The following CNR1 variants were observed in gnomAD, a reference collection of about 807,000 sequenced individuals.
The protein encoded by CNR1 is cannabinoid receptor 1, also known as cannabinoid receptor 1 (brain).
In CNR1, 10 loss-of-function variants were observed where a neutral mutation model predicts 23.0. The ratio of observed to expected loss-of-function variants is 0.43; its 90% confidence interval spans 0.27 to 0.74. The LOEUF (loss-of-function observed/expected upper bound fraction) is 0.74, where lower values mean the gene tolerates loss of function less well. CNR1 is among the 30% of genes least tolerant of loss of function. The pLI is 0.19. For missense variants in CNR1, 422 were observed against 618.8 expected, an observed-to-expected ratio of 0.68 and a Z score of 3.37; for synonymous variants, 271 against 255.2, an observed-to-expected ratio of 1.06 and a Z score of -0.59.
At chr6:88,148,964 T>G (rs1032830784) in intron 1 of CNR1, among the ~76,000 whole-genome samples, 3 of 151,798 alleles carry the variant, frequency 2.0e-5, no homozygotes, top group African/African-American at 2.4e-5. Context: ...AAATTGAGGG[T>G]TTTTTTTAGT....
intron 1 of CNR1, among the ~76,000 whole-genome samples, chr6:88,161,957 C>T (rs1219338003): frequency 6.6e-6 from 1 of 152,164 alleles, no homozygotes; most frequent in African/African-American, 2.4e-5. Flanking sequence ...TTGTACAGCC[C>T]TAATTTCCAA....
chr6:88,155,406 T>C (rs1777741915), intron 1 of CNR1, among the ~76,000 whole-genome samples: 1 of 152,234 alleles, frequency 6.6e-6, no homozygotes. Flanking sequence ...AAGTGGGTGC[T>C]ATTACAATCT....
chr6:88,144,585 C>T lies in CNR1; in HGVS notation c.690G>A (p.Arg230=). The change falls in exon 2 of 2, where the codon AGG becomes AGA. Residue 230 remains arginine, a synonymous_variant. Coordinates refer to ENST00000369501, the MANE Select transcript of CNR1 (RefSeq NM_016083.6). This position sits in a 1 kb window ranked among gnomAD's most constrained non-coding sequence, Gnocchi z 7.8. ...GGCAAAACGCCACCACGGCCTTGGG[C>T]CTGGTGACAATCCTCTTATAGGCCA... The part of the protein sequence containing the change: ...RPLAYKRIVT[R]PKAVVAFCLM... The T allele has an allele frequency of 6.2e-7, 1 of 1,614,214 alleles. No homozygotes were observed. The highest frequency in any genetic ancestry group is 8.5e-7 in the Non-Finnish European group (1 of 1,180,052).
Position 88,151,270 on chromosome 6 carries a change from T to C in CNR1, c.-63-5933A>G, listed in dbSNP as rs565893137. ...AGCTCCATGTGGTTAGTAGCTACTA[T>C]ACTGGACAGTGCAGGTCTAGGGCCC... On this transcript the variant is annotated intron_variant, in intron 1 of 1. Coordinates refer to ENST00000369501, the MANE Select transcript of CNR1 (RefSeq NM_016083.6). Among the ~76,000 whole-genome samples the C allele has an allele frequency of 2.8e-4, 42 of 152,350 alleles. No individual in the cohort carries two copies. The South Asian group carries it at 6.2e-3, about 23-fold the overall frequency.
chr6:88,154,305 A>T (rs1777682397), intron 1 of CNR1, among the ~76,000 whole-genome samples: 2 of 152,236 alleles, frequency 1.3e-5, no homozygotes, highest in African/African-American at 4.8e-5. Flanking sequence ...TATGCCAAAG[A>T]TTTCACATTT....
intron 1 of CNR1, among the ~76,000 whole-genome samples, chr6:88,149,100 G>A (rs1180814736): frequency 1.3e-5 from 2 of 152,206 alleles, no homozygotes; most frequent in Non-Finnish European, 1.5e-5. Flanking sequence ...GGCACCCAGT[G>A]TGCTGGTACA....
At chr6:88,165,042 A>T (rs1040198685) in intron 1 of CNR1, among the ~76,000 whole-genome samples, 6 of 152,208 alleles carry the variant, frequency 3.9e-5, no homozygotes, top group Non-Finnish European at 7.3e-5. Flanking sequence ...ACGTTACTAA[A>T]CATTTCTTTT....
intron 1 of CNR1, among the ~76,000 whole-genome samples, chr6:88,152,613 A>G (rs1446723851): frequency 6.6e-6 from 1 of 152,250 alleles, no homozygotes; most frequent in Non-Finnish European, 1.5e-5. Context: ...CAATTGAATT[A>G]AAGAATACAG....
At chr6:88,147,887 T>C (rs1777291797) in intron 1 of CNR1, 2 of 152,484 alleles carry the variant, frequency 1.3e-5, no homozygotes, top group Admixed American at 1.3e-4. Context: ...CTCGTCTGCC[T>C]TCTATGTTTC....
At chr6:88,164,137 C>A (rs1259979924) in intron 1 of CNR1, 1 of 152,282 alleles carries the variant, frequency 6.6e-6, no homozygotes, top group African/African-American at 2.4e-5. Flanking sequence ...AGTATGCAAG[C>A]ACAGTAATTT....
Position 88,145,047 on chromosome 6 carries a change from C to T in CNR1, c.228G>A (p.Val76=), listed in dbSNP as rs1288380851. 4 of 1,614,144 alleles carry T rather than the reference C, an allele frequency of 2.5e-6. No homozygotes were observed. The highest frequency in any genetic ancestry group is 2.2e-5 in the East Asian group (1 of 44,884). Residue 76 remains valine, a synonymous_variant, in exon 2 of 2, where the codon GTG becomes GTA. Transcript: ENST00000369501. ...ACTTGTTGTAAAATTCTGTAATGTT[C>T]ACCTGGTCTGCTGGGACTAGCTGGG... ...DNPQLVPADQ[V]NITEFYNKSL...
chr6:88,144,720 G>A lies in CNR1; in HGVS notation c.555C>T (p.Ser185=), dbSNP rs1164861385. The A allele has an allele frequency of 5.6e-6, 9 of 1,614,072 alleles. No individual in the cohort carries two copies. Among genetic ancestry groups the A allele is most frequent in the Non-Finnish European group, 7.6e-6 (9 of 1,180,052 alleles). Residue 185 remains serine (S), a synonymous_variant, in exon 2 of 2, where the codon AGC becomes AGT. Coordinates refer to ENST00000369501, the MANE Select transcript of CNR1 (RefSeq NM_016083.6). This position sits in a 1 kb window ranked among gnomAD's most constrained non-coding sequence, Gnocchi z 7.8. ...IDFHVFHRKD[S]RNVFLFKLGG... is the part of the protein sequence containing the mutation. ...CCAGTTTGAACAGAAACACGTTGCG[G>A]CTATCTTTGCGGTGGAACACGTGGA...
In CNR1 at chr6:88,145,084, G is replaced by A. The variant is rs767810773; in HGVS notation, c.191C>T (p.Ala64Val). The A allele has an allele frequency of 3.4e-5, 55 of 1,614,002 alleles. No homozygotes were observed. The highest frequency in any genetic ancestry group is 2.0e-4 in the African/African-American group (15 of 74,896). ...TGGGACTAGCTGGGGGTTGTCTCCC[G>A]CAGTCATCTTCTCTTGGAAGGGACT... is the stretch of plus-strand genomic sequence containing the variant. Reference protein sequence around the residue: ...RGSPFQEKMTAGDNPQLVPAD... With the variant: ...RGSPFQEKMTVGDNPQLVPAD... Residue 64 changes from alanine (A) to valine (V), a missense_variant, in exon 2 of 2, where the codon GCG becomes GTG. Physicochemically the swap from Ala to Val is moderately conservative, Grantham distance 64 (BLOSUM62 0). This residue lies in a region of CNR1 where 120 missense variants were observed against 117.6 expected (regional missense o/e 1.02). Coordinates refer to ENST00000369501, the MANE Select transcript of CNR1 (RefSeq NM_016083.6).
At chr6:88,149,654 C>T (rs1423274730) in intron 1 of CNR1, among the ~76,000 whole-genome samples, 1 of 152,198 alleles carries the variant, frequency 6.6e-6, no homozygotes, top group Non-Finnish European at 1.5e-5. Context: ...CATACCTGCA[C>T]ACCTTCCTCC....
intron 1 of CNR1, among the ~76,000 whole-genome samples, chr6:88,146,069 A>C (rs1303238115): frequency 6.6e-6 from 1 of 152,134 alleles, no homozygotes; most frequent in Non-Finnish European, 1.5e-5. Context: ...CCAAACTTGC[A>C]ATGAGGCGTA....
chr6:88,149,607 T>C (rs566561975), intron 1 of CNR1, among the ~76,000 whole-genome samples: 2 of 152,368 alleles, frequency 1.3e-5, no homozygotes, highest in African/African-American at 4.8e-5. Flanking sequence ...CCAGGCTTAC[T>C]GGCCCTGAGT....
chr6:88,145,798 C>T (rs79643100), intron 1 of CNR1, among the ~76,000 whole-genome samples: 59 of 152,318 alleles, frequency 3.9e-4, no homozygotes, highest in African/African-American at 1.3e-3. Context: ...GGAGACTTCA[C>T]CTTGTCAGAC....
Position 88,144,554 on chromosome 6 carries a change from A to G in CNR1, c.721T>C (p.Trp241Arg). 1 of 1,614,250 alleles carries G rather than the reference A, an allele frequency of 6.2e-7. No homozygotes were observed. Among genetic ancestry groups the G allele is most frequent in the Non-Finnish European group, 8.5e-7 (1 of 1,180,050 alleles). The change falls in exon 2 of 2, where the codon TGG becomes CGG. Residue 241 changes from tryptophan (W) to arginine (R), a missense_variant. Trp to Arg is a moderately radical substitution (Grantham distance 101, BLOSUM62 -3). Transcript: ENST00000369501. The surrounding 1 kb of genome is among the most constrained non-coding windows in gnomAD (Gnocchi z 7.8). ...ACGGCGATCACAATGGCTATGGTCC[A>G]CATCAGGCAAAACGCCACCACGGCC... is the stretch of plus-strand genomic sequence containing the variant. ...PKAVVAFCLM[W>R]TIAIVIAVLP...
At chr6:88,162,181 T>G (rs1233160312) in intron 1 of CNR1, among the ~76,000 whole-genome samples, 3 of 152,224 alleles carry the variant, frequency 2.0e-5, no homozygotes, top group South Asian at 2.1e-4. Flanking sequence ...AACTCTTCAG[T>G]GTCCATCTGC....
Sources: allele counts gnomAD v4.1 joint callset (sites outside exome capture counted in the v4.1 genomes callset), GRCh38; gene constraint gnomAD v4.1.1; regional missense constraint gnomAD v4.1.1; non-coding constraint Gnocchi (gnomAD v3.1); transcripts MANE v1.5; gene names NCBI Gene and HGNC (gene_info 2026-07-23, HGNC 2026-07-21).